Variants in ALDH1A2 observed in about 807,000 individuals in gnomAD.
ALDH1A2 encodes the protein retinal dehydrogenase 2.
Under a neutral mutation model 60.3 loss-of-function variants are expected in ALDH1A2, and 27 were observed. The observed-to-expected ratio is 0.45, with a 90% CI of 0.33 to 0.62. The LOEUF is 0.62. Among genes scored for constraint, ALDH1A2 ranks in the 20% least tolerant of loss-of-function variants. ALDH1A2 has a pLI of 0.02. For missense variants in ALDH1A2, 581 were observed against 643.8 expected, an observed-to-expected ratio of 0.90 and a Z score of 1.06; for synonymous variants, 289 against 232.4, an observed-to-expected ratio of 1.24 and a Z score of -2.21.
chr15:58,056,695 A>G (rs944061183), intron 1 of ALDH1A2, among the ~76,000 whole-genome samples: 2 of 152,056 alleles, frequency 1.3e-5, no homozygotes, highest in South Asian at 2.1e-4. Context: ...ATAAAAACTG[A>G]TAACAAATCA....
At chr15:58,022,430 G>A (rs1895953896) in intron 1 of ALDH1A2, among the ~76,000 whole-genome samples, 1 of 152,106 alleles carries the variant, frequency 6.6e-6, no homozygotes, top group South Asian at 2.1e-4. Flanking sequence ...AGGATGCAGA[G>A]GATCATCCTA....
intron 1 of ALDH1A2, chr15:58,057,991 C>T (rs1265868846): frequency 7.7e-7 from 1 of 1,293,348 alleles, no homozygotes; most frequent in Admixed American, 2.1e-5. Context: ...AACTGTAAAA[C>T]ATAGATGAGG....
intron 7 of ALDH1A2, among the ~76,000 whole-genome samples, chr15:57,981,477 C>T (rs1894509273): frequency 6.6e-6 from 1 of 152,174 alleles, no homozygotes; most frequent in African/African-American, 2.4e-5. Flanking sequence ...GTTTCAGATT[C>T]ACCTAATAGT....
chr15:58,042,376 T>C (rs1896538346), intron 1 of ALDH1A2, among the ~76,000 whole-genome samples: 1 of 151,952 alleles, frequency 6.6e-6, no homozygotes, highest in African/African-American at 2.4e-5. Context: ...TAAGAACAAA[T>C]ACTATGCCAC....
chr15:58,042,856 C>A lies in ALDH1A2; in HGVS notation c.117+22678G>T, dbSNP rs527702203. ...TTCTCTGGGGCACTGGATCATAACA[C>A]TGGAGTTCTCCTGAGTGACTTGAAG... On this transcript the variant is annotated intron_variant, in intron 1 of 12. Coordinates refer to ENST00000249750, the MANE Select transcript of ALDH1A2 (RefSeq NM_003888.4). 2.6e-5 allele frequency among the ~76,000 whole-genome samples: 4 copies of A among 152,032 alleles called. No homozygotes were observed. The South Asian group carries it at 8.3e-4, about 32-fold the overall frequency.
At chr15:58,006,704 A>AT (rs1895469883) in intron 4 of ALDH1A2, among the ~76,000 whole-genome samples, 1 of 53,028 alleles carries the variant, frequency 1.9e-5, no homozygotes. Flanking sequence ...TAAATTATGG[A>AT]CTTTTTTTTT....
At chr15:58,050,362 C>G (rs1363051503) in intron 1 of ALDH1A2, among the ~76,000 whole-genome samples, 2 of 151,962 alleles carry the variant, frequency 1.3e-5, no homozygotes, top group African/African-American at 4.8e-5. Context: ...TTTAGAGCTG[C>G]CCGTTTTAGC....
chr15:58,004,354 T>C (rs1895375246), intron 4 of ALDH1A2, among the ~76,000 whole-genome samples: 1 of 151,866 alleles, frequency 6.6e-6, no homozygotes, highest in Non-Finnish European at 1.5e-5. Flanking sequence ...TCAACGGGTT[T>C]ATGTGCAGAT....
intron 4 of ALDH1A2, among the ~76,000 whole-genome samples, chr15:57,998,150 G>A (rs1895130241): frequency 6.6e-6 from 1 of 152,036 alleles, no homozygotes; most frequent in South Asian, 2.1e-4. Flanking sequence ...AGACAAGGAT[G>A]CCCTCTTTCA....
Position 58,043,989 on chromosome 15 carries a change from A to G in ALDH1A2, c.117+21545T>C, listed in dbSNP as rs1359995698. Among the ~76,000 whole-genome samples the G allele has an allele frequency of 9.2e-5, 14 of 152,118 alleles. No homozygotes were observed. The East Asian group carries it at 2.7e-3, about 30-fold the overall frequency. ...GAAGTCCAATGGCTTGACCAAGGCC[A>G]CATACCCCGGATTTGTGGCAGAATA... On this transcript the variant is annotated intron_variant, in intron 1 of 12. Coordinates refer to ENST00000249750, the MANE Select transcript of ALDH1A2 (RefSeq NM_003888.4).
intron 1 of ALDH1A2, among the ~76,000 whole-genome samples, chr15:58,059,483 C>A (rs1440349857): frequency 6.6e-6 from 1 of 152,114 alleles, no homozygotes; most frequent in Non-Finnish European, 1.5e-5. Context: ...AGTAAGATAC[C>A]TTCCCACTGT....
intron 4 of ALDH1A2, among the ~76,000 whole-genome samples, chr15:57,998,443 C>T (rs1895141525): frequency 6.6e-6 from 1 of 152,024 alleles, no homozygotes; most frequent in Non-Finnish European, 1.5e-5. Context: ...AATAAACTCC[C>T]ATTCATAATT....
At position 57,954,617 on chromosome 15, in the gene ALDH1A2, TCCTG is replaced by T. The variant is rs2140440053; in HGVS notation, c.*576_*579del. On this transcript the variant is annotated 3_prime_UTR_variant, in exon 13 of 13. Transcript: ENST00000249750. Reference sequence around the variant, plus strand: ...CTTACTACATCTGTAGTGTACCAGCTCCTGGCATTTTCATTCTGGTCTGACTCTA... The same window carrying T: ...CTTACTACATCTGTAGTGTACCAGCTGCATTTTCATTCTGGTCTGACTCTA... The T allele has an allele frequency of 5.8e-6, 1 of 170,954 alleles. No homozygotes were observed. Among genetic ancestry groups the T allele is most frequent in the Non-Finnish European group, 1.3e-5 (1 of 76,720 alleles). The allele number at this position is 170,954 out of a possible 1,614,324, so 10.6% of individuals were successfully genotyped here. A position where few individuals can be genotyped will look rare whatever the true frequency, so the allele number is the denominator to read the frequency against.
intron 1 of ALDH1A2, among the ~76,000 whole-genome samples, chr15:58,037,064 C>G (rs1896394402): frequency 6.6e-6 from 1 of 151,616 alleles, no homozygotes; most frequent in Non-Finnish European, 1.5e-5. Flanking sequence ...CTTTTCTCCC[C>G]TTCTACCAAA....
chr15:57,995,210 GT>G, intron 4 of ALDH1A2, 71 bp from the exon 5 acceptor site: 1 of 771,286 alleles, frequency 1.3e-6, no homozygotes, highest in Admixed American at 2.6e-5. Context: ...GAGAACTTTG[GT>G]GGCTGCAAAA....
rs377317390 is a variant in ALDH1A2 at position 57,963,864 on chromosome 15, G to C, written c.1086+21C>G. On this transcript the variant is annotated intron_variant, in intron 9 of 12. Coordinates refer to ENST00000249750, the MANE Select transcript of ALDH1A2 (RefSeq NM_003888.4). ...CAGTCAAGGATTAAGTAAACAAAGGGAATGGTTATGATTTTTCTACCTGGG... is the reference window on the plus strand; with the variant it reads ...CAGTCAAGGATTAAGTAAACAAAGGCAATGGTTATGATTTTTCTACCTGGG... 7 of 1,613,524 alleles carry C rather than the reference G, an allele frequency of 4.3e-6. No individual in the cohort carries two copies. The African/African-American group carries it at 9.3e-5, about 22-fold the overall frequency.
chr15:57,993,408 T>G (rs1894958666), intron 5 of ALDH1A2, among the ~76,000 whole-genome samples: 1 of 152,218 alleles, frequency 6.6e-6, no homozygotes, highest in Non-Finnish European at 1.5e-5. Flanking sequence ...TAAGTTCTCG[T>G]GTATGAAAAC....
intron 7 of ALDH1A2, among the ~76,000 whole-genome samples, chr15:57,981,009 G>C (rs375263472): frequency 1.1e-4 from 16 of 152,220 alleles, no homozygotes; most frequent in African/African-American, 3.9e-4. Flanking sequence ...TCCTGGTTTA[G>C]TCTTACAGTA....
At chr15:58,001,839 T>TA (rs1444518837) in intron 4 of ALDH1A2, among the ~76,000 whole-genome samples, 2 of 151,816 alleles carry the variant, frequency 1.3e-5, no homozygotes, top group African/African-American at 4.8e-5. Flanking sequence ...AGACTTAGCA[T>TA]AAAAAAGGAC....
Sources: allele counts gnomAD v4.1 joint callset (sites outside exome capture counted in the v4.1 genomes callset), GRCh38; gene constraint gnomAD v4.1.1; transcripts MANE v1.5; gene names NCBI Gene and HGNC (gene_info 2026-07-23, HGNC 2026-07-21).